SENP5: variants seen among roughly 807,000 people sequenced by gnomAD.
SENP5 encodes sentrin-specific protease 5.
A neutral mutation model predicts 74.2 loss-of-function variants in SENP5; 21 were observed. The observed-to-expected ratio is 0.28, with a 90% confidence interval of 0.20 to 0.41. The LOEUF is 0.41. SENP5 is among the 10% of genes least tolerant of loss of function. The probability of loss-of-function intolerance (pLI) is 1.00; values close to 1 mark genes in which losing one functional copy is unlikely to be tolerated. For synonymous variants in SENP5, 311 were observed against 312.7 expected (o/e 0.99, Z 0.06); for missense variants, 717 against 889.1 (o/e 0.81, Z 2.46).
At chr3:196,919,231 A>G (rs1192913814) in intron 6 of SENP5, among the ~76,000 whole-genome samples, 3 of 152,244 alleles carry the variant, frequency 2.0e-5, no homozygotes, top group Admixed American at 6.5e-5. Flanking sequence ...CTGTAATCCT[A>G]TTAGTTTGGG....
chr3:196,921,031 A>G (rs1481996787), intron 6 of SENP5, among the ~76,000 whole-genome samples: 3 of 152,196 alleles, frequency 2.0e-5, no homozygotes, highest in Non-Finnish European at 4.4e-5. Flanking sequence ...TGTCATGCAC[A>G]TTGTTCTTAA....
chr3:196,900,822 G>A (rs573543117), intron 5 of SENP5, among the ~76,000 whole-genome samples: 37 of 151,992 alleles, frequency 2.4e-4, no homozygotes, highest in African/African-American at 8.7e-4. Context: ...CTGACCTCAG[G>A]TGATCCACCT....
intron 8 of SENP5, 64 bp downstream of exon 8, chr3:196,927,943 G>A (rs1715878255): frequency 2.0e-6 from 2 of 1,011,188 alleles, no homozygotes; most frequent in Non-Finnish European, 3.1e-6. Flanking sequence ...AAGGGTGGGT[G>A]CCTTTAAGAG....
intron 1 of SENP5, among the ~76,000 whole-genome samples, chr3:196,868,546 C>T (rs964104114): frequency 3.3e-5 from 5 of 152,182 alleles, no homozygotes; most frequent in African/African-American, 1.2e-4. Context: ...CTTTTCCCTT[C>T]GGTCTGCTCT....
At chr3:196,923,893 T>C (rs1715717245) in intron 7 of SENP5, among the ~76,000 whole-genome samples, 1 of 152,180 alleles carries the variant, frequency 6.6e-6, no homozygotes, top group African/African-American at 2.4e-5. Context: ...AACTATAACC[T>C]AATGGAATCA....
chr3:196,919,972 C>T (rs1180968283), intron 6 of SENP5, among the ~76,000 whole-genome samples: 1 of 152,176 alleles, frequency 6.6e-6, no homozygotes, highest in Non-Finnish European at 1.5e-5. Context: ...CACAGTATTA[C>T]TGTGTCTTCA....
At chr3:196,883,899 C>G (rs956854073) in intron 1 of SENP5, among the ~76,000 whole-genome samples, 1 of 152,108 alleles carries the variant, frequency 6.6e-6, no homozygotes, top group African/African-American at 2.4e-5. Context: ...ACCATGTTGG[C>G]CAGTCTGGTC....
At position 196,886,563 on chromosome 3, in the gene SENP5, C is replaced by A; in HGVS notation, c.1382C>A (p.Pro461His). Residue 461 changes from proline to histidine, a missense_variant, in exon 2 of 10, where the codon CCT (proline) becomes CAT (histidine). This residue lies in a region of SENP5 where 567 missense variants were observed against 577.4 expected (regional missense o/e 0.98). Transcript: ENST00000323460. ...SILSSELLDH[P>H]YCKSPLEAPL... ...CTTAGTTCTGAGTTGCTGGACCACC[C>A]TTACTGTAAAAGTCCACTGGAGGCT... 1 of 1,613,926 alleles carries A rather than the reference C, an allele frequency of 6.2e-7. No individual in the cohort carries two copies. Among genetic ancestry groups the A allele is most frequent in the Non-Finnish European group, 8.5e-7 (1 of 1,179,912 alleles).
chr3:196,894,503 C>G (rs367902337), intron 2 of SENP5, among the ~76,000 whole-genome samples: 1 of 151,110 alleles, frequency 6.6e-6, no homozygotes, highest in African/African-American at 2.4e-5. Context: ...AAATGAATTC[C>G]AGCTGTTAAT....
chr3:196,927,633 CT>C, intron 7 of SENP5, among the ~76,000 whole-genome samples, 162 bp from the exon 8 acceptor site: 2 of 119,584 alleles, frequency 1.7e-5, no homozygotes, highest in South Asian at 2.7e-4. Context: ...AAGATCCTCT[CT>C]TTAAAAAAAA....
chr3:196,870,725 C>T (rs571409027), intron 1 of SENP5, among the ~76,000 whole-genome samples: 1 of 151,400 alleles, frequency 6.6e-6, no homozygotes, highest in African/African-American at 2.4e-5. Flanking sequence ...ACCATGTTGG[C>T]CAGGCTGGTC....
rs778395139 is a variant in SENP5, at chr3:196,886,579, A to G, written c.1398A>G (p.Pro466=). ...ELLDHPYCKS[P]LEAPLVCSGL... is the part of the protein sequence containing the mutation. ...TGGACCACCCTTACTGTAAAAGTCC[A>G]CTGGAGGCTCCCTTGGTGTGCAGTG... Residue 466 remains proline, a synonymous_variant, in exon 2 of 10, where the codon CCA becomes CCG. Transcript: ENST00000323460. The G allele has an allele frequency of 8.7e-5, 140 of 1,613,840 alleles. No homozygotes were observed. Among genetic ancestry groups the G allele is most frequent in the Middle Eastern group, 3.3e-4 (2 of 6,084 alleles).
chr3:196,885,821 C>A lies in SENP5; in HGVS notation c.640C>A (p.Pro214Thr). Residue 214 changes from proline (P) to threonine (T), a missense_variant, in exon 2 of 10, where the codon CCA (proline) becomes ACA (threonine). Coordinates refer to ENST00000323460, the MANE Select transcript of SENP5 (RefSeq NM_152699.5). The part of the protein sequence containing the change: ...EHHRNGGPLI[P>T]KKFQLNQHRR... ...CCACAGGAATGGGGGACCCTTGATT[C>A]CAAAAAAGTTCCAACTTAACCAACA... 1 of 1,613,906 alleles carries A rather than the reference C, an allele frequency of 6.2e-7. No homozygotes were observed. Among genetic ancestry groups the A allele is most frequent in the South Asian group, 1.1e-5 (1 of 91,044 alleles).
At chr3:196,902,218 G>C (rs997503604) in intron 5 of SENP5, among the ~76,000 whole-genome samples, 3 of 152,240 alleles carry the variant, frequency 2.0e-5, no homozygotes, top group African/African-American at 7.2e-5. Context: ...CTGGGCTCAA[G>C]CAATCTTCTC....
chr3:196,912,141 C>T (rs181374678), intron 6 of SENP5, among the ~76,000 whole-genome samples: 14 of 152,128 alleles, frequency 9.2e-5, no homozygotes, highest in African/African-American at 3.4e-4. Context: ...ATATTTATTG[C>T]AGTACTCATA....
chr3:196,882,648 C>G, intron 1 of SENP5, among the ~76,000 whole-genome samples: 1 of 152,140 alleles, frequency 6.6e-6, no homozygotes, highest in Non-Finnish European at 1.5e-5. Context: ...GGATTACAGG[C>G]ATGCACCACC....
intron 6 of SENP5, chr3:196,914,584 A>ATAT (rs1242643022): frequency 1.8e-3 from 107 of 59,354 alleles, no homozygotes; most frequent in African/African-American, 6.6e-3. Flanking sequence ...AAAAAAAAAA[A>ATAT]AAATATATAT....
chr3:196,898,570 GGAT>G (rs1354629236), intron 2 of SENP5, among the ~76,000 whole-genome samples: 1 of 151,902 alleles, frequency 6.6e-6, no homozygotes, highest in African/African-American at 2.4e-5. Context: ...GCCCCAGCTG[GGAT>G]GATAGAAAGA....
rs1040968953 is a variant in SENP5, at chr3:196,931,092, G to T, written c.*169G>T. The T allele has an allele frequency of 6.8e-6, 4 of 588,824 alleles. No homozygotes were observed. Among genetic ancestry groups the T allele is most frequent in the South Asian group, 6.3e-5 (3 of 47,676 alleles). 36.5% of individuals were successfully genotyped at this position (588,824 alleles called of 1,614,324 possible). A position where few individuals can be genotyped will look rare whatever the true frequency, so the allele number is the denominator to read the frequency against. ...CCTTATTCATTTCTCCAGCTACCAT[G>T]TACTATTGTTTAATGTTCAGTTTGG... On this transcript the variant is annotated 3_prime_UTR_variant, in exon 10 of 10. Transcript: ENST00000323460.
Sources: gnomAD v4.1 joint callset for allele counts (sites outside exome capture counted in the v4.1 genomes callset) on GRCh38, gnomAD v4.1.1 for gene constraint, gnomAD v4.1.1 regional missense constraint, MANE v1.5 for transcripts, NCBI Gene and HGNC (gene_info 2026-07-23, HGNC 2026-07-21) for gene names.